EIF3H: variants seen among roughly 807,000 people sequenced by gnomAD.
The protein encoded by EIF3H is eIF-3-gamma.
In EIF3H, 26 loss-of-function variants were observed where a neutral mutation model predicts 44.2. The observed-to-expected ratio is 0.59, with a 90% CI of 0.43 to 0.82. EIF3H has a LOEUF of 0.82. Ranked by LOEUF, EIF3H falls within the 40% of genes least tolerant of loss-of-function variation. EIF3H has a pLI of 0.00. For missense variants in EIF3H, 359 were observed against 432.8 expected, an observed-to-expected ratio of 0.83 and a Z score of 1.51; for synonymous variants, 166 against 151.9, an observed-to-expected ratio of 1.09 and a Z score of -0.68.
At chr8:116,765,060 T>G (rs933283518) in intron 1 of EIF3H, among the ~76,000 whole-genome samples, 2 of 152,120 alleles carry the variant, frequency 1.3e-5, no homozygotes, top group African/African-American at 2.4e-5. Context: ...TGAGGCTATT[T>G]AAGAAAAAAT....
intron 1 of EIF3H, among the ~76,000 whole-genome samples, chr8:116,747,412 T>C (rs1446140584): frequency 1.3e-5 from 2 of 152,198 alleles, no homozygotes; most frequent in African/African-American, 2.4e-5. Flanking sequence ...TTAGATTGTG[T>C]TCCATGTTCT....
intron 1 of EIF3H, among the ~76,000 whole-genome samples, chr8:116,736,203 T>G (rs1815036333): frequency 6.6e-6 from 1 of 152,334 alleles, no homozygotes; most frequent in East Asian, 1.9e-4. Flanking sequence ...AGGAAGCTGA[T>G]AGATAAGTGG....
chr8:116,721,600 A>C (rs567734158), intron 2 of EIF3H, among the ~76,000 whole-genome samples: 17 of 152,362 alleles, frequency 1.1e-4, no homozygotes, highest in Non-Finnish European at 2.2e-4. Context: ...CCATGAAAGC[A>C]GCCAGGAGGG....
chr8:116,673,854 A>G (rs1013463273), intron 2 of EIF3H, among the ~76,000 whole-genome samples: 2 of 152,028 alleles, frequency 1.3e-5, no homozygotes, highest in African/African-American at 4.8e-5. Flanking sequence ...GGCGGATCAG[A>G]GGTCAGGAGA....
chr8:116,752,722 AAGAAAGAAAGAAG>A (rs1489789619), intron 1 of EIF3H, among the ~76,000 whole-genome samples: 74 of 111,256 alleles, frequency 6.7e-4, no homozygotes, highest in African/African-American at 1.8e-3. Flanking sequence ...GAAAGAAAGA[AAGAAAGAAAGAAG>A]AGAAAGAAAG....
chr8:116,673,366 A>C (rs754077021), intron 2 of EIF3H, among the ~76,000 whole-genome samples: 1 of 152,236 alleles, frequency 6.6e-6, no homozygotes, highest in Non-Finnish European at 1.5e-5. Flanking sequence ...AAGCTCTGGA[A>C]GCTATTCATA....
chr8:116,750,935 G>A (rs544458256), intron 1 of EIF3H, among the ~76,000 whole-genome samples: 13 of 152,006 alleles, frequency 8.6e-5, no homozygotes, highest in African/African-American at 1.4e-4. Context: ...GTATGAGGCC[G>A]GGCACGGTGG....
intron 1 of EIF3H, among the ~76,000 whole-genome samples, chr8:116,746,846 A>C (rs575954421): frequency 2.4e-4 from 37 of 152,350 alleles, no homozygotes; most frequent in African/African-American, 8.2e-4. Context: ...ATAATCCTGC[A>C]TAACTGGTTT....
chr8:116,644,892 T>G lies in EIF3H; in HGVS notation c.*114A>C. The G allele has an allele frequency of 1.3e-6, 1 of 782,688 alleles. No homozygotes were observed. Among genetic ancestry groups the G allele is most frequent in the Middle Eastern group, 2.8e-4 (1 of 3,542 alleles). The allele number at this position is 782,688 out of a possible 1,614,324, so 48.5% of individuals were successfully genotyped here. A position where few individuals can be genotyped will look rare whatever the true frequency, so the allele number is the denominator to read the frequency against. On this transcript the variant is annotated 3_prime_UTR_variant, in exon 8 of 8. Coordinates refer to ENST00000521861, the MANE Select transcript of EIF3H (RefSeq NM_003756.3). Reference sequence around the variant, plus strand: ...ACACTGTTATAGCCAAAATCGGCAATGACACTAAAGAAATCCTCTGTGCTT... The same window carrying G: ...ACACTGTTATAGCCAAAATCGGCAAGGACACTAAAGAAATCCTCTGTGCTT...
intron 7 of EIF3H, among the ~76,000 whole-genome samples, chr8:116,646,179 T>C (rs1813293772): frequency 6.6e-6 from 1 of 152,240 alleles, no homozygotes. Flanking sequence ...GCATTAAGAC[T>C]GTAAACAATT....
intron 1 of EIF3H, among the ~76,000 whole-genome samples, chr8:116,753,071 C>T (rs1815385453): frequency 6.6e-6 from 1 of 151,862 alleles, no homozygotes; most frequent in African/African-American, 2.4e-5. Context: ...TAAATGTTCC[C>T]TACATGATTT....
intron 1 of EIF3H, chr8:116,737,296 G>GA (rs11284390): frequency 2.2e-3 from 844 of 387,622 alleles, no homozygotes; most frequent in Admixed American, 3.2e-3. Flanking sequence ...CCCTGGGGAA[G>GA]AAAAAAAAAA....
In EIF3H at chr8:116,739,770, T is replaced by C. The variant is rs531090491; in HGVS notation, c.133-13598A>G. 4.6e-5 allele frequency among the ~76,000 whole-genome samples: 7 copies of C among 152,346 alleles called. No homozygotes were observed. In the South Asian group the frequency reaches 1.5e-3, roughly 32 times the overall value. ...CACTCCATGTTTCTCTGTGTGTGTCTTTAATTCCTCTAGCGCCGCTGGGTT... is the reference window on the plus strand; with the variant it reads ...CACTCCATGTTTCTCTGTGTGTGTCCTTAATTCCTCTAGCGCCGCTGGGTT... On this transcript the variant is annotated intron_variant, in intron 1 of 7. Transcript: ENST00000521861.
At chr8:116,721,542 A>G (rs1814746772) in intron 2 of EIF3H, among the ~76,000 whole-genome samples, 1 of 152,180 alleles carries the variant, frequency 6.6e-6, no homozygotes, top group South Asian at 2.1e-4. Context: ...AGATCCACCA[A>G]CAGCTTGCAC....
At chr8:116,750,406 T>C (rs1409989611) in intron 1 of EIF3H, among the ~76,000 whole-genome samples, 2 of 147,898 alleles carry the variant, frequency 1.4e-5, no homozygotes, top group East Asian at 3.9e-4. Flanking sequence ...AGCATGACTT[T>C]TTTTTTTTTT....
chr8:116,658,976 T>C lies in EIF3H; in HGVS notation c.294A>G (p.Gln98=), dbSNP rs1012290503. ...TEDDADFDEV[Q]YQMEMMRSLR... ...GGCTCCGCATCATTTCCATCTGATATTGGACTGGATGATGGGGAAGAGGAA... is the reference window on the plus strand; with the variant it reads ...GGCTCCGCATCATTTCCATCTGATACTGGACTGGATGATGGGGAAGAGGAA... The change falls in exon 3 of 8, where the codon CAA becomes CAG. Residue 98 remains glutamine, a synonymous_variant. Transcript: ENST00000521861. 6.2e-7 allele frequency: 1 copy of C among 1,602,930 alleles called. No homozygotes were observed. Among genetic ancestry groups the C allele is most frequent in the Non-Finnish European group, 8.5e-7 (1 of 1,175,416 alleles).
chr8:116,655,748 A>G, intron 5 of EIF3H, 108 bp downstream of exon 5: 1 of 1,212,660 alleles, frequency 8.2e-7, no homozygotes, highest in South Asian at 1.3e-5. Flanking sequence ...AAGAACCTAT[A>G]AACGTTCTTA....
At chr8:116,727,280 TA>T (rs1166393386) in intron 1 of EIF3H, among the ~76,000 whole-genome samples, 3 of 151,354 alleles carry the variant, frequency 2.0e-5, no homozygotes, top group African/African-American at 4.9e-5. Flanking sequence ...GAAACGAAGC[TA>T]AAAAAAGGCA....
At chr8:116,723,321 T>C (rs1027613394) in intron 2 of EIF3H, among the ~76,000 whole-genome samples, 5 of 152,160 alleles carry the variant, frequency 3.3e-5, no homozygotes, top group Non-Finnish European at 5.9e-5. Flanking sequence ...TATGTGCATG[T>C]ATAGAGAAAC....
Sources: gnomAD v4.1 joint callset for allele counts (sites outside exome capture counted in the v4.1 genomes callset) on GRCh38, gnomAD v4.1.1 for gene constraint, MANE v1.5 for transcripts, NCBI Gene and HGNC (gene_info 2026-07-23, HGNC 2026-07-21) for gene names.